Variants in CNTN3 observed in about 807,000 individuals in gnomAD.
CNTN3 encodes the protein contactin-3.
CNTN3 carries 60 observed loss-of-function variants against 119.1 expected under a neutral mutation model. That is an observed-to-expected ratio of 0.50 (90% CI 0.41 to 0.62). CNTN3 has a LOEUF of 0.62. CNTN3 is among the 20% of genes least tolerant of loss of function. The pLI is 0.00. For missense variants in CNTN3, 1,101 were observed against 1,242.4 expected (o/e 0.89, Z 1.71); for synonymous variants, 450 against 438.7 (o/e 1.03, Z -0.32).
intron 20 of CNTN3, among the ~76,000 whole-genome samples, chr3:74,277,704 A>G (rs534177367): frequency 2.1e-3 from 320 of 152,202 alleles, no homozygotes; most frequent in African/African-American, 7.4e-3. Flanking sequence ...TGAGAACTGG[A>G]AAAAGACAAG....
intron 5 of CNTN3, among the ~76,000 whole-genome samples, chr3:74,397,740 C>A (rs1221387243): frequency 1.3e-5 from 2 of 152,124 alleles, no homozygotes; most frequent in African/African-American, 4.8e-5. Context: ...AAATTGAAAA[C>A]CTTCTGGGAA....
intron 8 of CNTN3, among the ~76,000 whole-genome samples, 156 bp from the exon 9 acceptor site, chr3:74,365,858 A>ACT (rs1255620516): frequency 6.6e-6 from 1 of 152,146 alleles, no homozygotes; most frequent in Non-Finnish European, 1.5e-5. Context: ...TATTTTATTC[A>ACT]CTAAGTATCT....
intron 18 of CNTN3, among the ~76,000 whole-genome samples, chr3:74,296,010 A>G (rs1334185555): frequency 6.6e-6 from 1 of 152,216 alleles, no homozygotes; most frequent in Admixed American, 6.5e-5. Flanking sequence ...GTCGAGGAGT[A>G]CTTGGAGCCC....
chr3:74,365,198 ATACATTCATT>A (rs1704160767), intron 9 of CNTN3, among the ~76,000 whole-genome samples: 1 of 152,134 alleles, frequency 6.6e-6, no homozygotes, highest in African/African-American at 2.4e-5. Context: ...CAAGTAATAG[ATACATTCATT>A]CCCCAGAGGC....
At chr3:74,366,824 A>C (rs1484328505) in intron 8 of CNTN3, among the ~76,000 whole-genome samples, 2 of 129,246 alleles carry the variant, frequency 1.5e-5, no homozygotes, top group Non-Finnish European at 3.2e-5. Flanking sequence ...CTCAGTATGA[A>C]GTGTAGTTCA....
At chr3:74,488,606 T>C (rs1401264097) in intron 3 of CNTN3, among the ~76,000 whole-genome samples, 1 of 152,092 alleles carries the variant, frequency 6.6e-6, no homozygotes, top group Non-Finnish European at 1.5e-5. Context: ...GTAAAGAAAA[T>C]GGGTGAGTTT....
chr3:74,496,492 G>A (rs568962638), intron 3 of CNTN3, among the ~76,000 whole-genome samples: 57 of 152,114 alleles, frequency 3.7e-4, no homozygotes, highest in Middle Eastern at 3.4e-3. Flanking sequence ...CTCTTTCAAA[G>A]TTGTTATTTG....
chr3:74,591,957 G>T (rs111801656), intron 1 of CNTN3, among the ~76,000 whole-genome samples: 27 of 151,970 alleles, frequency 1.8e-4, no homozygotes, highest in African/African-American at 6.5e-4. Flanking sequence ...AGAGAGGAAA[G>T]AAAATTCAGT....
chr3:74,405,867 C>T (rs1158902926), intron 5 of CNTN3, among the ~76,000 whole-genome samples: 3 of 151,878 alleles, frequency 2.0e-5, no homozygotes, highest in Non-Finnish European at 2.9e-5. Context: ...TCAATAGATT[C>T]GTGGGTGACG....
rs749695157 is a variant in CNTN3 at position 74,302,733 on chromosome 3, C to T, written c.1743G>A (p.Thr581=). ...HSGKYVCMVQ[T]GVDSVSSAAD... ...CAGCAGATGAAACACTGTCCACCCCCGTTTGCACCATACAAACATATTTCC... is the reference window on the plus strand; with the variant it reads ...CAGCAGATGAAACACTGTCCACCCCTGTTTGCACCATACAAACATATTTCC... Residue 581 remains threonine (T), a synonymous_variant, in exon 14 of 23, where the codon ACG becomes ACA. Transcript: ENST00000263665. 83 of 1,613,150 alleles carry T rather than the reference C, an allele frequency of 5.1e-5. No homozygotes were observed. Among genetic ancestry groups the T allele is most frequent in the Non-Finnish European group, 6.4e-5 (75 of 1,179,484 alleles).
intron 5 of CNTN3, among the ~76,000 whole-genome samples, chr3:74,382,136 AG>A (rs1261926479): frequency 3.3e-5 from 5 of 152,160 alleles, no homozygotes; most frequent in Non-Finnish European, 7.3e-5. Flanking sequence ...TGAACCCAGA[AG>A]GTGGAGGTTG....
intron 13 of CNTN3, among the ~76,000 whole-genome samples, chr3:74,305,142 G>A (rs983699184): frequency 6.6e-6 from 1 of 152,170 alleles, no homozygotes; most frequent in Non-Finnish European, 1.5e-5. Flanking sequence ...AAAAGGTGGT[G>A]TAAACATGTG....
intron 4 of CNTN3, among the ~76,000 whole-genome samples, chr3:74,430,096 C>T (rs904461086): frequency 6.6e-5 from 10 of 152,174 alleles, no homozygotes; most frequent in Admixed American, 3.9e-4. Context: ...TCCTGTAAAA[C>T]GAACCACACG....
rs529961942 is a variant in CNTN3 at position 74,316,882 on chromosome 3, C to T, written c.1669-14075G>A. On this transcript the variant is annotated intron_variant, in intron 13 of 22. Transcript: ENST00000263665. Reference sequence around the variant, plus strand: ...GGCAGAGCTTGCAATCAGCCGAGACCGCACCACTGCACTCCAGCCTGGGTG... The same window carrying T: ...GGCAGAGCTTGCAATCAGCCGAGACTGCACCACTGCACTCCAGCCTGGGTG... Among the ~76,000 whole-genome samples, 52 of 151,274 alleles carry T rather than the reference C, an allele frequency of 3.4e-4. No homozygotes were observed. The East Asian group carries it at 7.0e-3, about 20-fold the overall frequency.
intron 5 of CNTN3, among the ~76,000 whole-genome samples, chr3:74,388,178 A>G (rs2106823365): frequency 6.6e-6 from 1 of 152,310 alleles, no homozygotes; most frequent in East Asian, 1.9e-4. Context: ...GTGTTTCTCA[A>G]AAAGTGAGCA....
At chr3:74,566,695 C>T (rs1323297194) in intron 1 of CNTN3, among the ~76,000 whole-genome samples, 1 of 152,148 alleles carries the variant, frequency 6.6e-6, no homozygotes, top group African/African-American at 2.4e-5. Flanking sequence ...TACTTGGTTA[C>T]ATCTGCAAAG....
intron 5 of CNTN3, among the ~76,000 whole-genome samples, chr3:74,404,255 T>C (rs1291444387): frequency 6.6e-6 from 1 of 152,172 alleles, no homozygotes; most frequent in African/African-American, 2.4e-5. Context: ...AGGAATTTTC[T>C]TTCTTAATTC....
chr3:74,507,629 T>C (rs1703288091), intron 2 of CNTN3, among the ~76,000 whole-genome samples: 1 of 84,400 alleles, frequency 1.2e-5, no homozygotes, highest in Non-Finnish European at 2.7e-5. Flanking sequence ...TTTCTTTCTT[T>C]TTTTTTTTTT....
chr3:74,449,503 C>T (rs79971414), intron 4 of CNTN3, among the ~76,000 whole-genome samples: 2,104 of 152,076 alleles, frequency 0.014, 41 homozygotes, highest in African/African-American at 0.046. Context: ...AATTTCCAGG[C>T]CCCAGTCCTA....
Sources: allele counts gnomAD v4.1 joint callset (sites outside exome capture counted in the v4.1 genomes callset), GRCh38; gene constraint gnomAD v4.1.1; transcripts MANE v1.5; gene names NCBI Gene and HGNC (gene_info 2026-07-23, HGNC 2026-07-21).